CDK14: variants seen among roughly 807,000 people sequenced by gnomAD.
CDK14 encodes the protein cyclin dependent kinase 14.
In CDK14, 34 loss-of-function variants were observed where a neutral mutation model predicts 60.7. That is an observed-to-expected ratio of 0.56 (90% CI 0.43 to 0.75). The LOEUF (loss-of-function observed/expected upper bound fraction) is 0.75. Among genes scored for constraint, CDK14 ranks in the 30% least tolerant of loss-of-function variants. CDK14 has a pLI of 0.00. For missense variants in CDK14, 482 were observed against 564.1 expected, an observed-to-expected ratio of 0.85 and a Z score of 1.47; for synonymous variants, 197 against 203.7, an observed-to-expected ratio of 0.97 and a Z score of 0.28.
chr7:91,113,799 T>C (rs915966346), intron 13 of CDK14, among the ~76,000 whole-genome samples: 1 of 152,194 alleles, frequency 6.6e-6, no homozygotes, highest in Non-Finnish European at 1.5e-5. Context: ...TCCTCTTGGG[T>C]ATTTCTATCC....
chr7:91,010,312 T>C (rs1274374923), intron 10 of CDK14, among the ~76,000 whole-genome samples: 2 of 152,108 alleles, frequency 1.3e-5, no homozygotes, highest in African/African-American at 2.4e-5. Flanking sequence ...GCCTGCTTGG[T>C]ATTTAAATGA....
At chr7:91,160,427 C>A (rs1272310309) in intron 14 of CDK14, among the ~76,000 whole-genome samples, 1 of 152,112 alleles carries the variant, frequency 6.6e-6, no homozygotes, top group Non-Finnish European at 1.5e-5. Flanking sequence ...ACCAGTTTTA[C>A]CCAGACTTAA....
intron 12 of CDK14, among the ~76,000 whole-genome samples, chr7:91,104,305 C>T (rs76712177): frequency 0.011 from 1,748 of 152,210 alleles, 60 homozygotes; most frequent in Admixed American, 0.075. Context: ...AGGGCCTCAC[C>T]ATTGGCAGCA....
intron 8 of CDK14, among the ~76,000 whole-genome samples, chr7:90,955,396 G>C (rs1159966391): frequency 2.0e-5 from 3 of 152,104 alleles, no homozygotes; most frequent in Non-Finnish European, 4.4e-5. Context: ...AAAAATTCAA[G>C]AGACTTCTAA....
At chr7:90,997,216 A>T (rs1272059285) in intron 10 of CDK14, among the ~76,000 whole-genome samples, 1 of 152,030 alleles carries the variant, frequency 6.6e-6, no homozygotes, top group Non-Finnish European at 1.5e-5. Flanking sequence ...CTCCTAATAG[A>T]GTTTAGGATT....
intron 2 of CDK14, among the ~76,000 whole-genome samples, chr7:90,707,077 G>A (rs1364504973): frequency 6.6e-6 from 1 of 152,074 alleles, no homozygotes; most frequent in Non-Finnish European, 1.5e-5. Flanking sequence ...AGGCATATAA[G>A]CAAACTTTTG....
chr7:90,837,610 A>T (rs1250595122), intron 5 of CDK14, among the ~76,000 whole-genome samples: 6 of 152,218 alleles, frequency 3.9e-5, no homozygotes, highest in African/African-American at 1.2e-4. Context: ...TGGATGTATT[A>T]TCTCTGTGGG....
chr7:90,705,683 G>T (rs1801882422), intron 2 of CDK14, among the ~76,000 whole-genome samples: 1 of 150,310 alleles, frequency 6.7e-6, no homozygotes, highest in African/African-American at 2.5e-5. Context: ...GGCTGAGGAA[G>T]CCTGTAGCAA....
At chr7:91,026,490 T>C (rs1449096604) in intron 10 of CDK14, among the ~76,000 whole-genome samples, 1 of 152,238 alleles carries the variant, frequency 6.6e-6, no homozygotes, top group Non-Finnish European at 1.5e-5. Context: ...AGATACTCAC[T>C]GTTAGCCCAA....
At chr7:91,061,018 C>A (rs1296236327) in intron 11 of CDK14, among the ~76,000 whole-genome samples, 1 of 152,174 alleles carries the variant, frequency 6.6e-6, no homozygotes, top group East Asian at 1.9e-4. Context: ...TCCATTCTCC[C>A]CATCACTTTC....
chr7:91,184,261 G>C (rs1802100687), intron 14 of CDK14, among the ~76,000 whole-genome samples: 1 of 143,794 alleles, frequency 7.0e-6, no homozygotes, highest in Admixed American at 7.1e-5. Context: ...TTCCAGCCTG[G>C]GTGACAGAGT....
chr7:90,697,336 C>T (rs568433481), intron 2 of CDK14, among the ~76,000 whole-genome samples: 3 of 152,218 alleles, frequency 2.0e-5, no homozygotes, highest in East Asian at 3.9e-4. Context: ...AACGAGATAG[C>T]ACTTTTTGCA....
At chr7:91,124,126 G>T (rs144658689) in intron 14 of CDK14, among the ~76,000 whole-genome samples, 1 of 151,954 alleles carries the variant, frequency 6.6e-6, no homozygotes, top group Non-Finnish European at 1.5e-5. Context: ...GGCCTTAAGC[G>T]ATCATCCTGC....
intron 9 of CDK14, among the ~76,000 whole-genome samples, chr7:90,973,577 A>G (rs1160607094): frequency 2.0e-5 from 3 of 152,170 alleles, no homozygotes; most frequent in African/African-American, 7.2e-5. Context: ...CAATATTTCA[A>G]CGTAGGTTCT....
At chr7:91,146,654 A>C (rs1411939528) in intron 14 of CDK14, among the ~76,000 whole-genome samples, 1 of 152,222 alleles carries the variant, frequency 6.6e-6, no homozygotes, top group Non-Finnish European at 1.5e-5. Flanking sequence ...ACCACTTAGA[A>C]AGAGTTAAAA....
rs145253163 is a variant in CDK14 at position 91,106,843 on chromosome 7, A to G, written c.1155-5699A>G. Among the ~76,000 whole-genome samples, 8 of 152,352 alleles carry G rather than the reference A, an allele frequency of 5.3e-5. No homozygotes were observed. The East Asian group carries it at 1.5e-3, about 29-fold the overall frequency. ...GGTCACTGCTAGCTGCAGGTTGGGC[A>G]GTTCTGTAGTGTTCTTGGTCATGCA... is the stretch of plus-strand genomic sequence containing the variant. On this transcript the variant is annotated intron_variant, in intron 12 of 14. Coordinates refer to ENST00000380050, the MANE Select transcript of CDK14 (RefSeq NM_001287135.2).
At chr7:91,058,901 G>A (rs1324614889) in intron 11 of CDK14, among the ~76,000 whole-genome samples, 2 of 152,162 alleles carry the variant, frequency 1.3e-5, no homozygotes, top group Non-Finnish European at 2.9e-5. Flanking sequence ...TTTGGTATCA[G>A]GATGATGCTG....
chr7:90,620,533 G>A (rs1194170373), intron 2 of CDK14, among the ~76,000 whole-genome samples: 3 of 152,130 alleles, frequency 2.0e-5, no homozygotes, highest in Admixed American at 6.6e-5. Context: ...TAATCTGTGT[G>A]AGGCCATCTA....
chr7:90,689,109 A>G (rs923212032), intron 2 of CDK14, among the ~76,000 whole-genome samples: 2 of 152,166 alleles, frequency 1.3e-5, no homozygotes, highest in African/African-American at 4.8e-5. Context: ...GTTAGAATAC[A>G]GTATCAATAC....
Sources: allele counts gnomAD v4.1 joint callset (sites outside exome capture counted in the v4.1 genomes callset), GRCh38; gene constraint gnomAD v4.1.1; transcripts MANE v1.5; gene names NCBI Gene and HGNC (gene_info 2026-07-23, HGNC 2026-07-21).